Variants in ISM2 observed in about 807,000 individuals in gnomAD.
The protein encoded by ISM2 is isthmin 2.
A neutral mutation model predicts 58.0 loss-of-function variants in ISM2; 50 were observed. The ratio of observed to expected loss-of-function variants is 0.86; its 90% CI spans 0.69 to 1.09. The LOEUF is 1.09. Ranked by LOEUF, ISM2 falls within the 50% of genes least tolerant of loss-of-function variation. The pLI, the probability that ISM2 is intolerant of heterozygous loss-of-function variation, is 0.00. For synonymous variants in ISM2, 303 were observed against 312.4 expected, an observed-to-expected ratio of 0.97 and a Z score of 0.32; for missense variants, 723 against 745.0, an observed-to-expected ratio of 0.97 and a Z score of 0.34.
intron 1 of ISM2, among the ~76,000 whole-genome samples, chr14:77,489,537 T>C (rs181086270): frequency 4.2e-5 from 6 of 141,610 alleles, no homozygotes; most frequent in African/African-American, 7.3e-5. Flanking sequence ...ACCTTCCTGA[T>C]TGGTAAGTAC....
intron 1 of ISM2, among the ~76,000 whole-genome samples, chr14:77,487,578 G>A (rs1457571439): frequency 6.6e-6 from 1 of 152,220 alleles, no homozygotes; most frequent in African/African-American, 2.4e-5. Context: ...CACACGTGCC[G>A]CCTTTCCTCT....
In ISM2 at chr14:77,475,792, C is replaced by T. The variant is rs150601204; in HGVS notation, c.1519G>A (p.Ala507Thr). ...DSRLLTRGKG[A>T]GMPNLISTDF... ...GTGCTGATGAGGTTGGGCATGCCGG[C>T]GCCCTTGCCACGGGTCAGCAGCCGG... The change falls in exon 7 of 7, where the codon GCC becomes ACC. Residue 507 changes from alanine (A) to threonine (T), a missense_variant. By Grantham distance (58) the Ala-to-Thr change is moderately conservative. Coordinates refer to ENST00000342219, the MANE Select transcript of ISM2 (RefSeq NM_199296.3). The surrounding 1 kb of genome is among the most constrained non-coding windows in gnomAD (Gnocchi z 4.1). The T allele has an allele frequency of 8.1e-6, 13 of 1,613,310 alleles. No homozygotes were observed. The African/African-American group carries it at 9.3e-5, about 12-fold the overall frequency.
At chr14:77,494,490 A>G (rs1304228083) in intron 1 of ISM2, among the ~76,000 whole-genome samples, 1 of 151,490 alleles carries the variant, frequency 6.6e-6, no homozygotes, top group African/African-American at 2.4e-5. Context: ...TCTGCCTCCT[A>G]GGTTCAAGCA....
intron 5 of ISM2, 113 bp from the exon 6 acceptor site, chr14:77,478,438 C>T: frequency 7.0e-7 from 1 of 1,435,308 alleles, no homozygotes. Flanking sequence ...CCAAAATAGG[C>T]CTGGGACAAG....
At chr14:77,479,761 T>G (rs2139956696) in intron 4 of ISM2, among the ~76,000 whole-genome samples, 1 of 151,836 alleles carries the variant, frequency 6.6e-6, no homozygotes, top group African/African-American at 2.4e-5. Flanking sequence ...GTGATCCGCC[T>G]GCCTTGGCCT....
rs546221434 is a variant in ISM2 at position 77,478,393 on chromosome 14, C to T, written c.1115-68G>A. ...CCTCAGTGCCGCTGATGGGGAAACC[C>T]CCCCACCTCAATAGGCTCTCAGTGC... On this transcript the variant is annotated intron_variant, in intron 5 of 6. Coordinates refer to ENST00000342219, the MANE Select transcript of ISM2 (RefSeq NM_199296.3). 1.2e-5 allele frequency: 18 copies of T among 1,483,626 alleles called. No individual in the cohort carries two copies. In the South Asian group the frequency reaches 1.5e-4, roughly 12 times the overall value. The allele number at this position is 1,483,626 out of a possible 1,614,324, so 91.9% of individuals were successfully genotyped here. A position where few individuals can be genotyped will look rare whatever the true frequency, so the allele number is the denominator to read the frequency against.
At chr14:77,497,064 C>T (rs968316315) in intron 1 of ISM2, among the ~76,000 whole-genome samples, 9 of 151,206 alleles carry the variant, frequency 6.0e-5, no homozygotes, top group Non-Finnish European at 1.0e-4. Context: ...CCCTCAGTGT[C>T]GTCATCTCAA....
At chr14:77,476,943 C>T (rs181049903) in intron 6 of ISM2, among the ~76,000 whole-genome samples, 117 of 152,294 alleles carry the variant, frequency 7.7e-4, no homozygotes, top group African/African-American at 2.3e-3. Flanking sequence ...GAGGCTGAGA[C>T]ATGAGAATCA....
intron 1 of ISM2, among the ~76,000 whole-genome samples, chr14:77,486,048 G>A (rs1427033382): frequency 6.6e-6 from 1 of 152,170 alleles, no homozygotes; most frequent in Non-Finnish European, 1.5e-5. Context: ...CATCCTCCCT[G>A]TCTTACATCC....
At position 77,498,653 on chromosome 14, in the gene ISM2, C is replaced by G. The variant is rs1237523122; in HGVS notation, c.141G>C (p.Glu47Asp). 6.8e-7 allele frequency: 1 copy of G among 1,465,238 alleles called. No homozygotes were observed. Among genetic ancestry groups the G allele is most frequent in the African/African-American group, 1.5e-5 (1 of 67,762 alleles). 90.8% of individuals were successfully genotyped at this position (1,465,238 alleles called of 1,614,324 possible). Residue 47 changes from glutamate to aspartate, a missense_variant and splice_region_variant, in exon 1 of 7, where the codon GAG becomes GAC. Glu to Asp is a conservative substitution (Grantham distance 45). Transcript: ENST00000342219. Reference protein sequence around the residue: ...PRPGSLTRLAEVSASPDPRPL... With the variant: ...PRPGSLTRLADVSASPDPRPL... Reference sequence around the variant, plus strand: ...GCAGCCCGGTGCCGCCGCCACTCACCTCTGCGAGCCTCGTGAGGCTCCCAG... The same window carrying G: ...GCAGCCCGGTGCCGCCGCCACTCACGTCTGCGAGCCTCGTGAGGCTCCCAG...
chr14:77,481,261 A>T (rs558163165), intron 4 of ISM2, among the ~76,000 whole-genome samples: 6 of 152,026 alleles, frequency 3.9e-5, no homozygotes, highest in Non-Finnish European at 7.4e-5. Flanking sequence ...AATCGTCCGA[A>T]CCTGGGAGGT....
chr14:77,490,277 G>T (rs1331625538), intron 1 of ISM2, among the ~76,000 whole-genome samples: 3 of 152,258 alleles, frequency 2.0e-5, no homozygotes, highest in African/African-American at 4.8e-5. Flanking sequence ...GATTACAGGC[G>T]TGAGCCACTG....
intron 6 of ISM2, among the ~76,000 whole-genome samples, 162 bp downstream of exon 6, chr14:77,478,080 A>T (rs1424251757): frequency 6.6e-6 from 1 of 152,240 alleles, no homozygotes; most frequent in Non-Finnish European, 1.5e-5. Context: ...GAGCTGGCTC[A>T]GAAATGCCAG....
chr14:77,482,463 C>G lies in ISM2; in HGVS notation c.832G>C (p.Glu278Gln), dbSNP rs1420278568. The change falls in exon 4 of 7, where the codon GAG (glutamate) becomes CAG (glutamine). Residue 278 changes from glutamate (E) to glutamine (Q), a missense_variant. Coordinates refer to ENST00000342219, the MANE Select transcript of ISM2 (RefSeq NM_199296.3). ...EKEEDEDYPS[E>Q]DIEGEDQEDK... ...TCTTGATCCTCACCCTCGATATCCT[C>G]TGAAGGATAGTCCTCGTCTTCCTCC... 1.2e-6 allele frequency: 2 copies of G among 1,614,006 alleles called. No individual in the cohort carries two copies. The highest frequency in any genetic ancestry group is 1.3e-5 in the African/African-American group (1 of 74,920).
intron 1 of ISM2, among the ~76,000 whole-genome samples, chr14:77,488,466 G>A (rs2079181415): frequency 6.6e-6 from 1 of 152,192 alleles, no homozygotes; most frequent in Non-Finnish European, 1.5e-5. Flanking sequence ...TGTCTTCACA[G>A]AGCAGTTCCA....
intron 1 of ISM2, among the ~76,000 whole-genome samples, chr14:77,494,098 C>T (rs2079224672): frequency 6.6e-6 from 1 of 152,100 alleles, no homozygotes; most frequent in African/African-American, 2.4e-5. Context: ...TTCAAGACTT[C>T]AGATGAGCAG....
intron 1 of ISM2, among the ~76,000 whole-genome samples, chr14:77,497,322 C>A (rs545738568): frequency 1.7e-4 from 23 of 139,004 alleles, no homozygotes; most frequent in African/African-American, 5.8e-4. Context: ...GAGCCAAGAT[C>A]GTGCCACTGC....
chr14:77,476,582 G>A (rs950713359), intron 6 of ISM2, among the ~76,000 whole-genome samples: 2 of 152,126 alleles, frequency 1.3e-5, no homozygotes, highest in African/African-American at 4.8e-5. Context: ...TGAGTCATTT[G>A]GCCACTTTGG....
Position 77,484,516 on chromosome 14 carries a change from C to A in ISM2, c.434G>T (p.Arg145Leu). ...PRPLREEEEA[R>L]LLPRTHLQAE... ...CTGCAGGTGGGTTCTGGGGAGCAGTCGTGCCTCCTCCTCTTCCCTCAGAGG... is the reference window on the plus strand; with the variant it reads ...CTGCAGGTGGGTTCTGGGGAGCAGTAGTGCCTCCTCCTCTTCCCTCAGAGG... Residue 145 changes from arginine to leucine, a missense_variant, in exon 3 of 7, where the codon CGA becomes CTA. By Grantham distance (102) the Arg-to-Leu change is moderately radical. Transcript: ENST00000342219. The A allele has an allele frequency of 6.5e-7, 1 of 1,535,570 alleles. No individual in the cohort carries two copies. Among genetic ancestry groups the A allele is most frequent in the East Asian group, 2.5e-5 (1 of 40,778 alleles).
Sources: allele counts gnomAD v4.1 joint callset (sites outside exome capture counted in the v4.1 genomes callset), GRCh38; gene constraint gnomAD v4.1.1; non-coding constraint Gnocchi (gnomAD v3.1); transcripts MANE v1.5; gene names NCBI Gene and HGNC (gene_info 2026-07-23, HGNC 2026-07-21).